Variants in NUDT3 observed in about 807,000 individuals in gnomAD.
The protein encoded by NUDT3 is nudix hydrolase 3.
In NUDT3, 9 loss-of-function variants were observed where a neutral mutation model predicts 23.6. That is an observed-to-expected ratio of 0.38 (90% CI 0.23 to 0.66). The LOEUF is 0.66. Ranked by LOEUF, NUDT3 falls within the 30% of genes least tolerant of loss-of-function variation. The pLI is 0.52. For missense variants in NUDT3, 172 were observed against 218.5 expected (o/e 0.79, Z 1.34); for synonymous variants, 86 against 82.6 (o/e 1.04, Z -0.22).
intron 1 of NUDT3, among the ~76,000 whole-genome samples, chr6:34,352,789 G>T (rs1764497461): frequency 6.6e-6 from 1 of 152,156 alleles, no homozygotes; most frequent in Non-Finnish European, 1.5e-5. Flanking sequence ...ACAGTCAGGA[G>T]ACTTTGGGTT....
chr6:34,329,185 CTGTG>C (rs563550651), intron 2 of NUDT3, among the ~76,000 whole-genome samples: 126 of 152,146 alleles, frequency 8.3e-4, no homozygotes, highest in Non-Finnish European at 1.1e-3. Context: ...TCTGGTTGCT[CTGTG>C]TGTGTTGTGT....
intron 1 of NUDT3, among the ~76,000 whole-genome samples, chr6:34,385,024 G>T (rs1581904594): frequency 8.2e-6 from 1 of 121,858 alleles, no homozygotes. Context: ...GCAAGACCCT[G>T]CCTCCAAAAA....
chr6:34,308,119 CAAAAAAAAAAAAAAAAAAAAAAAAAA>C lies in NUDT3; in HGVS notation c.211-12460_211-12435del, dbSNP rs533055608. ...TGGGAGACACAGAGAAACTCTGTCT[CAAAAAAAAAAAAAAAAAAAAAAAAAA>C]AAAAAAAAAAAAAAAAAAAAAAAAG... On this transcript the variant is annotated intron_variant, in intron 2 of 4. Transcript: ENST00000607016. Among the ~76,000 whole-genome samples, 243 of 60,078 alleles carry C rather than the reference CAAAAAAAAAAAAAAAAAAAAAAAAAA, an allele frequency of 4.0e-3. 1 individual carries two copies. Among genetic ancestry groups the C allele is most frequent in the African/African-American group, 6.4e-3 (87 of 13,680 alleles). The allele number at this position is 60,078 out of a possible 152,430, so 39.4% of individuals were successfully genotyped here.
chr6:34,332,248 T>C (rs1368815077), intron 2 of NUDT3, among the ~76,000 whole-genome samples: 2 of 152,164 alleles, frequency 1.3e-5, no homozygotes, highest in Non-Finnish European at 2.9e-5. Flanking sequence ...GTGTGTATTA[T>C]TTACTATACT....
intron 2 of NUDT3, among the ~76,000 whole-genome samples, chr6:34,309,734 T>C (rs1763742292): frequency 6.6e-6 from 1 of 151,930 alleles, no homozygotes; most frequent in Non-Finnish European, 1.5e-5. Context: ...CACAAATTAC[T>C]AATATTAGAC....
chr6:34,390,097 C>T (rs1043404789), intron 1 of NUDT3, among the ~76,000 whole-genome samples: 3 of 152,066 alleles, frequency 2.0e-5, no homozygotes, highest in Non-Finnish European at 4.4e-5. Flanking sequence ...GAGATCACGC[C>T]ACTGCACTCC....
At chr6:34,324,037 A>C (rs1448426247) in intron 2 of NUDT3, among the ~76,000 whole-genome samples, 1 of 152,188 alleles carries the variant, frequency 6.6e-6, no homozygotes, top group African/African-American at 2.4e-5. Context: ...AGCATCACTA[A>C]GTGCTTACCA....
chr6:34,300,330 G>T (rs16885998), intron 2 of NUDT3, among the ~76,000 whole-genome samples: 14,376 of 152,202 alleles, frequency 0.094, 1,394 homozygotes, highest in East Asian at 0.43. Context: ...CCGACAATGA[G>T]GTTTGCCCAG....
chr6:34,370,511 G>A (rs1764809997), intron 1 of NUDT3, among the ~76,000 whole-genome samples: 1 of 152,184 alleles, frequency 6.6e-6, no homozygotes, highest in African/African-American at 2.4e-5. Context: ...ACAGAAAACT[G>A]GGAAATGAGT....
At chr6:34,318,670 A>G (rs955281607) in intron 2 of NUDT3, among the ~76,000 whole-genome samples, 1 of 152,184 alleles carries the variant, frequency 6.6e-6, no homozygotes, top group Non-Finnish European at 1.5e-5. Context: ...GACTGTTTCT[A>G]ATTTTTTGCT....
intron 1 of NUDT3, among the ~76,000 whole-genome samples, chr6:34,361,423 G>C (rs1191200668): frequency 6.6e-6 from 1 of 152,122 alleles, no homozygotes; most frequent in Non-Finnish European, 1.5e-5. Flanking sequence ...TTGCTCACTG[G>C]GGTGAATACA....
intron 1 of NUDT3, among the ~76,000 whole-genome samples, chr6:34,374,493 A>G (rs1017537978): frequency 1.3e-5 from 2 of 152,090 alleles, no homozygotes; most frequent in African/African-American, 4.8e-5. Context: ...TTTAGATCAC[A>G]TATCAGTCTG....
intron 4 of NUDT3, 46 bp downstream of exon 4, chr6:34,293,405 G>T: frequency 6.2e-7 from 1 of 1,610,466 alleles, no homozygotes; most frequent in Non-Finnish European, 8.5e-7. Context: ...GCATGGCAAG[G>T]GCTGGTTGTG....
At chr6:34,348,182 A>G (rs1029003738) in intron 1 of NUDT3, among the ~76,000 whole-genome samples, 1 of 151,860 alleles carries the variant, frequency 6.6e-6, no homozygotes. Context: ...GCTATGCAGG[A>G]GGGTGAGGCA....
At chr6:34,321,035 A>C (rs1763934009) in intron 2 of NUDT3, among the ~76,000 whole-genome samples, 1 of 152,150 alleles carries the variant, frequency 6.6e-6, no homozygotes. Flanking sequence ...AGCAGGAGGG[A>C]CAGGAGGGAA....
At chr6:34,369,511 G>A (rs1219184656) in intron 1 of NUDT3, among the ~76,000 whole-genome samples, 1 of 152,194 alleles carries the variant, frequency 6.6e-6, no homozygotes, top group Non-Finnish European at 1.5e-5. Flanking sequence ...CTGCTCTGAT[G>A]AAGTCACAGT....
intron 1 of NUDT3, among the ~76,000 whole-genome samples, chr6:34,386,001 C>T (rs762143035): frequency 6.6e-6 from 1 of 152,138 alleles, no homozygotes; most frequent in Non-Finnish European, 1.5e-5. Flanking sequence ...TTTCTGAACT[C>T]AAAGTTCACT....
chr6:34,381,482 G>C (rs1765017136), intron 1 of NUDT3, among the ~76,000 whole-genome samples: 1 of 151,450 alleles, frequency 6.6e-6, no homozygotes, highest in Admixed American at 6.6e-5. Context: ...CCTGGCAGAA[G>C]GATGATTGTG....
At position 34,288,835 on chromosome 6, in the gene NUDT3, C is replaced by G; in HGVS notation, c.437G>C (p.Gly146Ala). The change falls in exon 5 of 5, where the codon GGC becomes GCC. Residue 146 changes from glycine (G) to alanine (A), a missense_variant. Coordinates refer to ENST00000607016, the MANE Select transcript of NUDT3 (RefSeq NM_006703.4). ...TGGGGTGCCATTGTTGGCTGAGTAG[C>G]CTTGCCTCAATGTTTCAAAATATGA... ...QASYFETLRQGYSANNGTPVV... is the reference protein window; with the variant it reads ...QASYFETLRQAYSANNGTPVV... 6.2e-7 allele frequency: 1 copy of G among 1,614,110 alleles called. No homozygotes were observed. Among genetic ancestry groups the G allele is most frequent in the Non-Finnish European group, 8.5e-7 (1 of 1,179,992 alleles).
Sources: gnomAD v4.1 joint callset for allele counts (sites outside exome capture counted in the v4.1 genomes callset) on GRCh38, gnomAD v4.1.1 for gene constraint, MANE v1.5 for transcripts, NCBI Gene and HGNC (gene_info 2026-07-23, HGNC 2026-07-21) for gene names.